The following CADM2 variants were observed in gnomAD, a reference collection of about 807,000 sequenced individuals.
CADM2 encodes cell adhesion molecule 2, also known as immunoglobulin superfamily member 4D.
A neutral mutation model predicts 49.8 loss-of-function variants in CADM2; 12 were observed. That is an observed-to-expected ratio of 0.24 (90% CI 0.15 to 0.39). The LOEUF (loss-of-function observed/expected upper bound fraction) is 0.39, where lower values mean the gene tolerates loss of function less well. Ranked by LOEUF, CADM2 falls within the 10% of genes least tolerant of loss-of-function variation. CADM2 has a pLI of 1.00. For missense variants in CADM2, 378 were observed against 492.3 expected, an observed-to-expected ratio of 0.77 and a Z score of 2.20; for synonymous variants, 214 against 175.4, an observed-to-expected ratio of 1.22 and a Z score of -1.74.
intron 1 of CADM2, among the ~76,000 whole-genome samples, chr3:85,250,078 A>T (rs1357766462): frequency 4.0e-5 from 6 of 151,868 alleles, no homozygotes; most frequent in African/African-American, 1.4e-4. Context: ...AATTTGAAAC[A>T]TCTGTTGCAT....
intron 1 of CADM2, among the ~76,000 whole-genome samples, chr3:85,316,513 TG>T (rs1215450883): frequency 6.6e-6 from 1 of 152,214 alleles, no homozygotes; most frequent in Non-Finnish European, 1.5e-5. Context: ...ATCTGCATTT[TG>T]GGTGCTTTTG....
intron 4 of CADM2, among the ~76,000 whole-genome samples, chr3:85,884,757 ACT>A (rs1713318898): frequency 7.3e-6 from 1 of 137,464 alleles, no homozygotes; most frequent in Non-Finnish European, 1.5e-5. Context: ...ACGGAGTCTC[ACT>A]CTGTAGCCTG....
At chr3:85,703,638 C>A (rs1454405269) in intron 1 of CADM2, among the ~76,000 whole-genome samples, 3 of 151,808 alleles carry the variant, frequency 2.0e-5, no homozygotes, top group Non-Finnish European at 2.9e-5. Flanking sequence ...GTTTTATTGC[C>A]CAATTAATTA....
chr3:85,157,933 C>T (rs1288489030), intron 1 of CADM2, among the ~76,000 whole-genome samples: 12 of 152,014 alleles, frequency 7.9e-5, no homozygotes, highest in Non-Finnish European at 1.8e-4. Flanking sequence ...ATTTTTGCAA[C>T]CTACTCATCT....
intron 1 of CADM2, among the ~76,000 whole-genome samples, chr3:85,602,908 G>A (rs759102291): frequency 1.9e-4 from 29 of 151,662 alleles, no homozygotes; most frequent in Non-Finnish European, 3.4e-4. Flanking sequence ...TTAGTTTCCA[G>A]TATCACTTTT....
intron 1 of CADM2, among the ~76,000 whole-genome samples, chr3:85,283,709 T>C (rs373970443): frequency 1.3e-5 from 2 of 152,142 alleles, no homozygotes; most frequent in Non-Finnish European, 2.9e-5. Flanking sequence ...AAATAGAGTA[T>C]ACTTTGCTTC....
intron 1 of CADM2, among the ~76,000 whole-genome samples, chr3:85,112,853 T>C (rs1340283453): frequency 6.6e-6 from 1 of 151,784 alleles, no homozygotes; most frequent in Non-Finnish European, 1.5e-5. Flanking sequence ...AATCAATGTA[T>C]GTAATAAGAT....
intron 2 of CADM2, among the ~76,000 whole-genome samples, chr3:85,760,950 A>T (rs2069341735): frequency 6.6e-6 from 1 of 152,222 alleles, no homozygotes; most frequent in African/African-American, 2.4e-5. Flanking sequence ...TTGCTACATG[A>T]TAAGAAATAG....
chr3:85,898,221 A>C (rs1289918342), intron 5 of CADM2, among the ~76,000 whole-genome samples: 1 of 152,146 alleles, frequency 6.6e-6, no homozygotes, highest in Non-Finnish European at 1.5e-5. Context: ...GTTGAGTTGA[A>C]AGAATAATCA....
chr3:85,377,396 G>A (rs1490925470), intron 1 of CADM2, among the ~76,000 whole-genome samples: 1 of 152,020 alleles, frequency 6.6e-6, no homozygotes, highest in Non-Finnish European at 1.5e-5. Flanking sequence ...CTTGCCAACG[G>A]AAGTTGATGA....
At chr3:85,214,986 A>G (rs1369610503) in intron 1 of CADM2, among the ~76,000 whole-genome samples, 1 of 151,840 alleles carries the variant, frequency 6.6e-6, no homozygotes, top group Non-Finnish European at 1.5e-5. Context: ...GCAGGACAAC[A>G]TCTCCTTTAA....
intron 1 of CADM2, among the ~76,000 whole-genome samples, chr3:85,085,269 T>A (rs995250607): frequency 6.6e-6 from 1 of 152,122 alleles, no homozygotes; most frequent in Non-Finnish European, 1.5e-5. Flanking sequence ...CTTCTATGAG[T>A]TGGACTCTTT....
At chr3:85,897,032 G>A (rs1715305344) in intron 5 of CADM2, among the ~76,000 whole-genome samples, 1 of 151,990 alleles carries the variant, frequency 6.6e-6, no homozygotes, top group South Asian at 2.1e-4. Flanking sequence ...GAACCCGTGG[G>A]ATTAGAGACT....
chr3:85,886,307 A>C lies in CADM2; in HGVS notation c.509A>C (p.Lys170Thr), dbSNP rs563427830. 6.2e-7 allele frequency: 1 copy of C among 1,613,168 alleles called. No individual in the cohort carries two copies. Among genetic ancestry groups the C allele is most frequent in the African/African-American group, 1.3e-5 (1 of 75,026 alleles). The change falls in exon 5 of 10, where the codon AAA becomes ACA. Residue 170 changes from lysine (K) to threonine (T), a missense_variant. Lys to Thr is a moderately conservative substitution (Grantham distance 78, BLOSUM62 -1). Transcript: ENST00000383699. ...SKPAADIRWF[K>T]NDKEIKDVKY... ...CCTGCAGCTGATATAAGATGGTTCA[A>C]AAATGACAAAGAGATTAAAGGTAAA...
chr3:85,238,429 T>C (rs1576186960), intron 1 of CADM2, among the ~76,000 whole-genome samples: 1 of 152,118 alleles, frequency 6.6e-6, no homozygotes, highest in African/African-American at 2.4e-5. Flanking sequence ...AAGCAAACAG[T>C]GTGGTCTCAG....
At chr3:85,024,024 G>A (rs970713065) in intron 1 of CADM2, among the ~76,000 whole-genome samples, 2 of 151,988 alleles carry the variant, frequency 1.3e-5, no homozygotes, top group African/African-American at 2.4e-5. Flanking sequence ...TATTGTGGGG[G>A]CTAAATTTAA....
chr3:85,652,715 C>G (rs1487670242), intron 1 of CADM2, among the ~76,000 whole-genome samples: 6 of 147,238 alleles, frequency 4.1e-5, no homozygotes, highest in Non-Finnish European at 8.9e-5. Flanking sequence ...TTATTTATGA[C>G]AGTATTTCCC....
intron 5 of CADM2, among the ~76,000 whole-genome samples, chr3:85,909,071 A>G (rs971000127): frequency 1.3e-5 from 2 of 152,104 alleles, no homozygotes; most frequent in Non-Finnish European, 2.9e-5. Context: ...GAAATAAGCT[A>G]ATCTTAACTG....
intron 1 of CADM2, among the ~76,000 whole-genome samples, chr3:85,188,757 C>T (rs975872464): frequency 6.6e-5 from 10 of 151,936 alleles, no homozygotes; most frequent in South Asian, 2.1e-4. Context: ...GCAGGCCAGG[C>T]GCAGTGGCTC....
Sources: allele counts gnomAD v4.1 joint callset (sites outside exome capture counted in the v4.1 genomes callset), GRCh38; gene constraint gnomAD v4.1.1; transcripts MANE v1.5; gene names NCBI Gene and HGNC (gene_info 2026-07-23, HGNC 2026-07-21).